The following JADE3 variants were observed in gnomAD, a reference collection of about 807,000 sequenced individuals.
JADE3 encodes the protein jade family PHD finger 3, also known as protein Jade-3.
A neutral mutation model predicts 50.1 loss-of-function variants in JADE3; 2 were observed. The observed-to-expected ratio is 0.04, with a 90% CI of 0.02 to 0.13. JADE3 has a LOEUF of 0.13. JADE3 is among the 10% of genes least tolerant of loss of function. The pLI, the probability that JADE3 is intolerant of heterozygous loss-of-function variation, is 1.00. For synonymous variants in JADE3, 218 were observed against 232.9 expected, an observed-to-expected ratio of 0.94 and a Z score of 0.58; for missense variants, 475 against 634.4, an observed-to-expected ratio of 0.75 and a Z score of 2.70.
chrX:46,947,045 A>C (rs782629400), intron 1 of JADE3, among the ~76,000 whole-genome samples: 7 of 110,941 alleles, frequency 6.3e-5, no homozygotes, highest in Non-Finnish European at 1.1e-4. Flanking sequence ...TTTGAGACGG[A>C]GTCTCACTCT....
intron 4 of JADE3, among the ~76,000 whole-genome samples, chrX:47,004,184 C>T (rs1928359676): frequency 9.0e-6 from 1 of 110,914 alleles, no homozygotes; most frequent in South Asian, 3.7e-4. Flanking sequence ...CATTGGCCTC[C>T]CAAAGTGCTG....
At chrX:46,942,972 A>C (rs1556342593) in intron 1 of JADE3, among the ~76,000 whole-genome samples, 1 of 111,517 alleles carries the variant, frequency 9.0e-6, no homozygotes, top group Non-Finnish European at 1.9e-5. Flanking sequence ...GGCTATTGTA[A>C]ATGGGATTGC....
intron 1 of JADE3, among the ~76,000 whole-genome samples, chrX:46,973,996 C>G (rs1175175306): frequency 8.9e-6 from 1 of 111,749 alleles, no homozygotes; most frequent in African/African-American, 3.3e-5. Context: ...AGGACAATCG[C>G]TTGAACCAGG....
intron 1 of JADE3, among the ~76,000 whole-genome samples, chrX:46,965,795 T>A (rs1031320170): frequency 2.7e-5 from 3 of 111,771 alleles, no homozygotes. Context: ...GCTGCAGAAG[T>A]AGACATGGCT....
intron 4 of JADE3, among the ~76,000 whole-genome samples, chrX:47,018,235 T>C (rs1314052108): frequency 9.0e-6 from 1 of 111,210 alleles, no homozygotes; most frequent in Non-Finnish European, 1.9e-5. Context: ...CACACCTCCT[T>C]CTTCCCACAC....
At chrX:47,028,599 A>G (rs1003118803) in intron 6 of JADE3, among the ~76,000 whole-genome samples, 94 of 111,403 alleles carry the variant, frequency 8.4e-4, no homozygotes, top group African/African-American at 3.0e-3. Context: ...AAGATCACAG[A>G]ATTTTAGGAC....
chrX:46,915,602 C>T, intron 1 of JADE3, among the ~76,000 whole-genome samples: 1 of 111,453 alleles, frequency 9.0e-6, no homozygotes, highest in East Asian at 2.8e-4. Flanking sequence ...GTGGTCATTA[C>T]AAACCAAATA....
At chrX:47,047,923 C>T (rs1487255824) in intron 8 of JADE3, among the ~76,000 whole-genome samples, 1 of 111,794 alleles carries the variant, frequency 8.9e-6, no homozygotes, top group Non-Finnish European at 1.9e-5. Context: ...GATAGAGGCA[C>T]ATAAGGCATG....
chrX:47,003,892 A>G (rs1486435713), intron 4 of JADE3, among the ~76,000 whole-genome samples: 1 of 102,406 alleles, frequency 9.8e-6, no homozygotes, highest in Non-Finnish European at 2.0e-5. Context: ...TTATATATAA[A>G]TTTATTATAT....
intron 4 of JADE3, among the ~76,000 whole-genome samples, chrX:47,004,420 A>G (rs1556359887): frequency 1.8e-5 from 2 of 111,650 alleles, no homozygotes; most frequent in Non-Finnish European, 3.8e-5. Context: ...TTGCTTAAGT[A>G]TAAATTTGAG....
At chrX:46,918,154 G>A (rs1240940182) in intron 1 of JADE3, among the ~76,000 whole-genome samples, 2 of 111,449 alleles carry the variant, frequency 1.8e-5, no homozygotes, top group Non-Finnish European at 3.8e-5. Context: ...TCATATAGCT[G>A]ATGCTTTTTA....
At chrX:46,967,433 AG>A (rs1927391670) in intron 1 of JADE3, among the ~76,000 whole-genome samples, 1 of 111,912 alleles carries the variant, frequency 8.9e-6, no homozygotes, top group South Asian at 3.8e-4. Context: ...AATAGGGCTA[AG>A]ATAATAGGAG....
At chrX:47,027,834 G>A (rs1175700156) in intron 5 of JADE3, 58 bp from the exon 6 acceptor site, 2 of 978,153 alleles carry the variant, frequency 2.0e-6, no homozygotes, top group Non-Finnish European at 2.9e-6. Context: ...CTCACAGTAG[G>A]TGTTTTGGGA....
At chrX:46,976,167 A>G (rs565493640) in intron 1 of JADE3, among the ~76,000 whole-genome samples, 4 of 111,853 alleles carry the variant, frequency 3.6e-5, no homozygotes, top group African/African-American at 1.3e-4. Flanking sequence ...TGCACTGACC[A>G]TGCATTTCAA....
chrX:47,039,806 C>T (rs1556369256), intron 8 of JADE3, among the ~76,000 whole-genome samples: 1 of 111,889 alleles, frequency 8.9e-6, no homozygotes, highest in East Asian at 2.8e-4. Context: ...AGGTTTGTTA[C>T]ATGGGTAAAT....
At chrX:47,025,983 C>T (rs1172976328) in intron 5 of JADE3, among the ~76,000 whole-genome samples, 1 of 111,526 alleles carries the variant, frequency 9.0e-6, no homozygotes, top group Non-Finnish European at 1.9e-5. Context: ...AGTTACTCTG[C>T]CAGTAACCAA....
intron 1 of JADE3, among the ~76,000 whole-genome samples, chrX:46,950,923 C>T (rs962314097): frequency 7.2e-5 from 8 of 110,505 alleles, no homozygotes; most frequent in Non-Finnish European, 9.5e-5. Context: ...GAATGTTAAA[C>T]TCTGTTAGTG....
At chrX:47,047,549 CAAA>C (rs782645560) in intron 8 of JADE3, among the ~76,000 whole-genome samples, 2 of 64,107 alleles carry the variant, frequency 3.1e-5, no homozygotes, top group Non-Finnish European at 3.1e-5. Flanking sequence ...AACTCCATTA[CAAA>C]AAAAAAAAAA....
At position 47,060,310 on chromosome X, in the gene JADE3, T is replaced by C. The variant is rs1377890464; in HGVS notation, c.*1233T>C. On this transcript the variant is annotated 3_prime_UTR_variant, in exon 11 of 11. Transcript: ENST00000614628. ...GAGAAATGATGCCGTTTTTTAAATG[T>C]GAAGCAGACTATAATTCTCAGCTCT... The C allele has an allele frequency of 9.0e-6, 1 of 111,210 alleles. No homozygotes were observed. The highest frequency in any genetic ancestry group is 1.9e-5 in the Non-Finnish European group (1 of 52,990). 9.2% of individuals were successfully genotyped at this position (111,210 alleles called of 1,213,427 possible).
Sources: allele counts gnomAD v4.1 joint callset (sites outside exome capture counted in the v4.1 genomes callset), GRCh38; gene constraint gnomAD v4.1.1; transcripts MANE v1.5; gene names NCBI Gene and HGNC (gene_info 2026-07-23, HGNC 2026-07-21).